GOLM2: variants seen among roughly 807,000 people sequenced by gnomAD.
The protein encoded by GOLM2 is protein GOLM2.
GOLM2 carries 26 observed loss-of-function variants against 55.9 expected under a neutral mutation model. The ratio of observed to expected loss-of-function variants is 0.47; its 90% CI spans 0.34 to 0.65. The LOEUF is 0.65. Among genes scored for constraint, GOLM2 ranks in the 30% least tolerant of loss-of-function variants. GOLM2 has a pLI of 0.01. For synonymous variants in GOLM2, 165 were observed against 194.6 expected (o/e 0.85, Z 1.27); for missense variants, 486 against 531.8 (o/e 0.91, Z 0.85).
At chr15:44,300,676 C>T (rs1271176671) in intron 1 of GOLM2, among the ~76,000 whole-genome samples, 2 of 152,178 alleles carry the variant, frequency 1.3e-5, no homozygotes, top group Admixed American at 1.3e-4. Context: ...CTTATGACCT[C>T]ATTAAACAGG....
At chr15:44,311,891 C>T (rs2078877747) in intron 1 of GOLM2, among the ~76,000 whole-genome samples, 1 of 152,138 alleles carries the variant, frequency 6.6e-6, no homozygotes, top group Non-Finnish European at 1.5e-5. Flanking sequence ...CTCAGGTGAT[C>T]CACCTGCCTC....
chr15:44,310,576 A>G (rs564578822), intron 1 of GOLM2, among the ~76,000 whole-genome samples: 7 of 151,172 alleles, frequency 4.6e-5, no homozygotes, highest in African/African-American at 1.7e-4. Flanking sequence ...AATCCCAGCT[A>G]CCTGAGAGAT....
intron 1 of GOLM2, among the ~76,000 whole-genome samples, chr15:44,299,098 A>G (rs754624923): frequency 3.4e-4 from 52 of 152,126 alleles, no homozygotes; most frequent in Non-Finnish European, 6.3e-4. Context: ...CTCCCCCTAG[A>G]GGCTCCAGTG....
At chr15:44,327,334 C>T (rs542844970) in intron 2 of GOLM2, among the ~76,000 whole-genome samples, 18 of 151,428 alleles carry the variant, frequency 1.2e-4, no homozygotes, top group African/African-American at 3.9e-4. Context: ...GCAGAAGGAT[C>T]GCTTGAGCTC....
chr15:44,294,315 C>T (rs184752178), intron 1 of GOLM2, among the ~76,000 whole-genome samples: 69 of 152,316 alleles, frequency 4.5e-4, no homozygotes, highest in Admixed American at 4.1e-3. Context: ...CGGTGGCTCA[C>T]GCCTGTAGTC....
chr15:44,326,682 C>T (rs573720111), intron 2 of GOLM2, among the ~76,000 whole-genome samples: 4 of 134,872 alleles, frequency 3.0e-5, no homozygotes, highest in South Asian at 2.3e-4. Context: ...GACGGATTCT[C>T]GCTCTGTTGT....
Position 44,404,779 on chromosome 15 carries a change from G to A in GOLM2, c.1240+1725G>A, listed in dbSNP as rs553320940. ...ACAGTACTTTGCACATCACCCACCC[G>A]CCACAGTACTTTGCACATTGTCTTT... On this transcript the variant is annotated intron_variant, in intron 9 of 9. Coordinates refer to ENST00000299957, the MANE Select transcript of GOLM2 (RefSeq NM_138423.4). Among the ~76,000 whole-genome samples the A allele has an allele frequency of 1.8e-4, 28 of 151,624 alleles. No homozygotes were observed. In the South Asian group the frequency reaches 4.0e-3, roughly 21 times the overall value.
rs532433829 is a variant in GOLM2 at position 44,370,924 on chromosome 15, C to T, written c.803-8766C>T. 1.1e-4 allele frequency among the ~76,000 whole-genome samples: 16 copies of T among 152,234 alleles called. 1 individual carries two copies. The highest frequency in any genetic ancestry group is 7.9e-4 in the Admixed American group (12 of 15,284). Reference sequence around the variant, plus strand: ...GATCTCCCACCTTGGCCTCCCAAAGCACTGGGATTGCAGGGATGAGCTACC... The same window carrying T: ...GATCTCCCACCTTGGCCTCCCAAAGTACTGGGATTGCAGGGATGAGCTACC... On this transcript the variant is annotated intron_variant, in intron 6 of 9. Coordinates refer to ENST00000299957, the MANE Select transcript of GOLM2 (RefSeq NM_138423.4).
At chr15:44,297,195 G>C (rs1001572872) in intron 1 of GOLM2, among the ~76,000 whole-genome samples, 4 of 152,180 alleles carry the variant, frequency 2.6e-5, no homozygotes, top group African/African-American at 9.7e-5. Context: ...CTGCAGAATA[G>C]AGAACTTGGC....
At chr15:44,386,505 C>G (rs2079444877) in intron 8 of GOLM2, among the ~76,000 whole-genome samples, 1 of 152,134 alleles carries the variant, frequency 6.6e-6, no homozygotes, top group African/African-American at 2.4e-5. Flanking sequence ...ATTATTTTAG[C>G]TCTTCATGAT....
At chr15:44,413,074 C>A (rs2079649220) in intron 9 of GOLM2, among the ~76,000 whole-genome samples, 1 of 151,154 alleles carries the variant, frequency 6.6e-6, no homozygotes, top group African/African-American at 2.4e-5. Context: ...TAAAGTTTTA[C>A]TAGTTATGTC....
At position 44,323,080 on chromosome 15, in the gene GOLM2, A is replaced by C. The variant is rs997678826; in HGVS notation, c.382+61A>C. On this transcript the variant is annotated intron_variant, in intron 2 of 9. Transcript: ENST00000299957. ...GGTCACTAAATGCCTAAAATTGTGA[A>C]GAATTAAGAAATAGTAAATTAGCCT... 3 of 1,117,792 alleles carry C rather than the reference A, an allele frequency of 2.7e-6. No homozygotes were observed. The African/African-American group carries it at 4.9e-5, about 18-fold the overall frequency. The allele number at this position is 1,117,792 out of a possible 1,614,324, so 69.2% of individuals were successfully genotyped here.
intron 6 of GOLM2, among the ~76,000 whole-genome samples, chr15:44,376,781 A>G (rs1358641275): frequency 6.6e-6 from 1 of 151,494 alleles, no homozygotes; most frequent in South Asian, 2.1e-4. Flanking sequence ...TCTTTTTTTA[A>G]TTTTTAATTT....
rs541433158 is a variant in GOLM2 at position 44,371,786 on chromosome 15, C to T, written c.803-7904C>T. Among the ~76,000 whole-genome samples the T allele has an allele frequency of 9.9e-5, 15 of 152,100 alleles. No homozygotes were observed. The South Asian group carries it at 2.3e-3, about 23-fold the overall frequency. ...GGAGGCTCAGAAAATTGATCACAGC[C>T]GGTCAATAAATTGATTAGTTTTACA... On this transcript the variant is annotated intron_variant, in intron 6 of 9. Transcript: ENST00000299957.
chr15:44,340,822 C>G (rs1237497918), intron 6 of GOLM2, among the ~76,000 whole-genome samples: 1 of 152,150 alleles, frequency 6.6e-6, no homozygotes, highest in Non-Finnish European at 1.5e-5. Context: ...AGCACTTACT[C>G]TAGTCCTAGG....
intron 6 of GOLM2, among the ~76,000 whole-genome samples, chr15:44,369,115 A>ATG (rs2079310882): frequency 9.9e-6 from 1 of 101,112 alleles, no homozygotes; most frequent in African/African-American, 4.0e-5. Flanking sequence ...ATATATATAT[A>ATG]TACCCGGCTA....
At chr15:44,406,712 G>C (rs2079599450) in intron 9 of GOLM2, 1 of 152,130 alleles carries the variant, frequency 6.6e-6, no homozygotes, top group African/African-American at 2.4e-5. Flanking sequence ...AAAAAATGAA[G>C]CACACACTTA....
At chr15:44,366,023 C>T (rs562256341) in intron 6 of GOLM2, among the ~76,000 whole-genome samples, 7 of 152,016 alleles carry the variant, frequency 4.6e-5, no homozygotes, top group African/African-American at 1.4e-4. Context: ...CTTGGCCGAG[C>T]GCGGTGGCTC....
chr15:44,386,701 T>C (rs1224629799), intron 8 of GOLM2, among the ~76,000 whole-genome samples: 2 of 151,546 alleles, frequency 1.3e-5, no homozygotes, highest in Non-Finnish European at 2.9e-5. Context: ...CAAGACCCTA[T>C]CTCTAAAAAA....
Sources: allele counts gnomAD v4.1 joint callset (sites outside exome capture counted in the v4.1 genomes callset), GRCh38; gene constraint gnomAD v4.1.1; transcripts MANE v1.5; gene names NCBI Gene and HGNC (gene_info 2026-07-23, HGNC 2026-07-21).